Variants in OSBPL10 observed in about 807,000 individuals in gnomAD.
OSBPL10 encodes the protein oxysterol-binding protein-related protein 10.
Under a neutral mutation model 81.7 loss-of-function variants are expected in OSBPL10, and 49 were observed. The observed-to-expected ratio is 0.60, with a 90% CI of 0.48 to 0.76. The LOEUF is 0.76. Ranked by LOEUF, OSBPL10 falls within the 30% of genes least tolerant of loss-of-function variation. The pLI, the probability that OSBPL10 is intolerant of heterozygous loss-of-function variation, is 0.00. For missense variants in OSBPL10, 923 were observed against 987.8 expected, an observed-to-expected ratio of 0.93 and a Z score of 0.88; for synonymous variants, 419 against 383.6, an observed-to-expected ratio of 1.09 and a Z score of -1.08.
chr3:31,913,168 G>A (rs557398392), intron 1 of OSBPL10, among the ~76,000 whole-genome samples: 1 of 152,088 alleles, frequency 6.6e-6, no homozygotes, highest in Admixed American at 6.5e-5. Context: ...ACCACCCCTG[G>A]AGACCCTGTA....
chr3:31,690,368 C>T (rs1307844828), intron 7 of OSBPL10, among the ~76,000 whole-genome samples: 1 of 152,158 alleles, frequency 6.6e-6, no homozygotes, highest in East Asian at 1.9e-4. Flanking sequence ...ACTTGTACAG[C>T]CTGCAAAACT....
At chr3:31,942,937 T>G (rs1697579546) in intron 1 of OSBPL10, among the ~76,000 whole-genome samples, 1 of 152,214 alleles carries the variant, frequency 6.6e-6, no homozygotes, top group South Asian at 2.1e-4. Context: ...CAACCATCAC[T>G]ACTATCTATT....
At chr3:31,985,047 T>A (rs12634105), upstream of OSBPL10, among the ~76,000 whole-genome samples, 17,574 of 152,198 alleles carry the variant, frequency 0.12, 1,422 homozygotes, top group East Asian at 0.47. Flanking sequence ...AAGACCAGCC[T>A]GGCCAACATG....
chr3:31,954,810 G>A (rs1448314060), intron 1 of OSBPL10, among the ~76,000 whole-genome samples: 1 of 152,200 alleles, frequency 6.6e-6, no homozygotes, highest in Non-Finnish European at 1.5e-5. Flanking sequence ...ATGTGTTAAT[G>A]ACATGCATGC....
intron 1 of OSBPL10, among the ~76,000 whole-genome samples, chr3:31,979,825 C>G (rs890188709): frequency 5.9e-5 from 9 of 152,040 alleles, no homozygotes; most frequent in Admixed American, 4.6e-4. Context: ...AGCCCCTTTC[C>G]TCGACAGCCC....
intron 1 of OSBPL10, among the ~76,000 whole-genome samples, chr3:31,957,340 G>A (rs1456331432): frequency 6.6e-6 from 1 of 152,012 alleles, no homozygotes; most frequent in African/African-American, 2.4e-5. Flanking sequence ...CATCTCCCCT[G>A]AGCACAGTTA....
At chr3:31,829,428 T>C (rs924914360) in intron 4 of OSBPL10, among the ~76,000 whole-genome samples, 1 of 152,188 alleles carries the variant, frequency 6.6e-6, no homozygotes, top group Admixed American at 6.5e-5. Context: ...ATTAAAGAGT[T>C]TTCATTGTCA....
intron 3 of OSBPL10, among the ~76,000 whole-genome samples, chr3:31,857,823 A>AGTGG: frequency 2.9e-5 from 1 of 34,404 alleles, no homozygotes; most frequent in Admixed American, 3.9e-4. Flanking sequence ...AGAAAGGGAG[A>AGTGG]GGGAGAGGGA....
intron 1 of OSBPL10, among the ~76,000 whole-genome samples, chr3:31,923,352 G>A (rs1027757838): frequency 6.6e-6 from 1 of 152,188 alleles, no homozygotes; most frequent in Admixed American, 6.5e-5. Context: ...GCTAATCAGA[G>A]TGAAAGTTGT....
intron 9 of OSBPL10, 62 bp downstream of exon 9, chr3:31,670,735 G>A (rs563984919): frequency 3.3e-6 from 5 of 1,493,218 alleles, no homozygotes; most frequent in Non-Finnish European, 4.6e-6. Context: ...TCTTCTAATG[G>A]TGAAAGGAAA....
rs975694554 is a variant in OSBPL10 at position 32,062,996 on chromosome 3, G to A, written n.185+14400C>T. Among the ~76,000 whole-genome samples, 14 of 93,374 alleles carry A rather than the reference G, an allele frequency of 1.5e-4. 2 individuals carry two copies. The highest frequency in any genetic ancestry group is 3.9e-4 in the African/African-American group (14 of 36,266). The allele number at this position is 93,374 out of a possible 152,430, so 61.3% of individuals were successfully genotyped here. ...GATATTGTCATGTATCTTGGATAACGTCAATCCACAGCAGTTTAGGTACTG... is the reference window on the plus strand; with the variant it reads ...GATATTGTCATGTATCTTGGATAACATCAATCCACAGCAGTTTAGGTACTG... On this transcript the variant is annotated intron_variant and non_coding_transcript_variant, in intron 1 of 3. Coordinates refer to the OSBPL10 transcript ENST00000479173.
In OSBPL10 at chr3:32,028,219, T is replaced by C. The variant is rs112323498; in HGVS notation, n.298+18272A>G. Among the ~76,000 whole-genome samples, 680 of 152,336 alleles carry C rather than the reference T, an allele frequency of 4.5e-3. 8 individuals are homozygous for C. Among genetic ancestry groups the C allele is most frequent in the African/African-American group, 0.015 (638 of 41,586 alleles). ...TGTTACAGACATAAATGTGTGCCTGTCAACTTGGTCTTCATGTCAAATGTA... is the reference window on the plus strand; with the variant it reads ...TGTTACAGACATAAATGTGTGCCTGCCAACTTGGTCTTCATGTCAAATGTA... On this transcript the variant is annotated intron_variant and non_coding_transcript_variant, in intron 2 of 3. Transcript: ENST00000479173.
chr3:31,876,631 G>T (rs1189829762), intron 2 of OSBPL10, 119 bp from the exon 3 acceptor site: 1 of 769,902 alleles, frequency 1.3e-6, no homozygotes. Context: ...TAGCAAGAAG[G>T]TGGGGAAGCA....
chr3:31,997,663 C>G (rs1699103473), intron 2 of OSBPL10, among the ~76,000 whole-genome samples: 1 of 151,950 alleles, frequency 6.6e-6, no homozygotes, highest in Admixed American at 6.6e-5. Flanking sequence ...ATCAAATAGT[C>G]TGCTTACCAC....
In OSBPL10 at chr3:31,943,967, C is replaced by CAA. The variant is rs55770286; in HGVS notation, c.281+36930_281+36931dup. On this transcript the variant is annotated intron_variant, in intron 1 of 11. Transcript: ENST00000396556. The stretch of plus-strand genomic sequence containing the variant: ...TGGGCAACAGAGGAAGACTCCGTCT[C>CAA]AAAAAAAAAAAAAAAAAAAAAAAAA... Among the ~76,000 whole-genome samples the CAA allele has an allele frequency of 3.3e-3, 124 of 37,780 alleles. 9 individuals are homozygous for CAA. The highest frequency in any genetic ancestry group is 3.9e-3 in the African/African-American group (30 of 7,616). The allele number at this position is 37,780 out of a possible 152,430, so 24.8% of individuals were successfully genotyped here.
At chr3:31,850,798 T>C (rs755932503) in intron 3 of OSBPL10, among the ~76,000 whole-genome samples, 7 of 152,200 alleles carry the variant, frequency 4.6e-5, no homozygotes, top group Non-Finnish European at 8.8e-5. Context: ...AATGTCGCTA[T>C]AAAACACAAG....
Position 31,845,142 on chromosome 3 carries a change from T to C in OSBPL10, c.538-14911A>G, listed in dbSNP as rs185634587. ...GACTTTCATATCAATTTTTTTTTAA[T>C]GAAAATAAAAATGAACACCCTAAGG... On this transcript the variant is annotated intron_variant, in intron 3 of 11. Transcript: ENST00000396556. Among the ~76,000 whole-genome samples, 650 of 152,172 alleles carry C rather than the reference T, an allele frequency of 4.3e-3. 5 individuals carry two copies. The highest frequency in any genetic ancestry group is 0.015 in the African/African-American group (616 of 41,522).
chr3:31,664,355 A>C, intron 10 of OSBPL10, 123 bp from the exon 11 acceptor site: 1 of 920,192 alleles, frequency 1.1e-6, no homozygotes, highest in Non-Finnish European at 1.6e-6. Flanking sequence ...GGGGTAGCTC[A>C]TCCCAGATAC....
intron 2 of OSBPL10, among the ~76,000 whole-genome samples, chr3:32,004,015 C>T (rs563662193): frequency 2.6e-5 from 4 of 152,316 alleles, no homozygotes; most frequent in East Asian, 3.9e-4. Flanking sequence ...CAGCAGGGAA[C>T]AGCAGACCCT....
Sources: allele counts gnomAD v4.1 joint callset (sites outside exome capture counted in the v4.1 genomes callset), GRCh38; gene constraint gnomAD v4.1.1; transcripts MANE v1.5; gene names NCBI Gene and HGNC (gene_info 2026-07-23, HGNC 2026-07-21).